EFHC2: variants seen among roughly 807,000 people sequenced by gnomAD.
The protein encoded by EFHC2 is EF-hand domain-containing family member C2.
A neutral mutation model predicts 52.7 loss-of-function variants in EFHC2; 18 were observed. That is an observed-to-expected ratio of 0.34 (90% CI 0.24 to 0.51). EFHC2 has a LOEUF of 0.51. EFHC2 is among the 20% of genes least tolerant of loss of function. EFHC2 has a pLI of 0.97. For synonymous variants in EFHC2, 203 were observed against 204.1 expected (o/e 0.99, Z 0.04); for missense variants, 513 against 562.5 (o/e 0.91, Z 0.89).
intron 11 of EFHC2, among the ~76,000 whole-genome samples, chrX:44,215,555 G>T (rs1297407027): frequency 9.2e-6 from 1 of 109,022 alleles, no homozygotes; most frequent in African/African-American, 3.3e-5. Flanking sequence ...GTGTTGGAAG[G>T]GGGAAGGCAG....
Position 44,189,803 on chromosome X carries a change from G to A in EFHC2, c.1752-11239C>T, listed in dbSNP as rs762650752. On this transcript the variant is annotated intron_variant, in intron 11 of 14. Transcript: ENST00000420999. ...CAGCAGGAGGGACACCTTTTCTACC[G>A]AGATGAAAAAGGAATGGCAAGTTGT... Among the ~76,000 whole-genome samples the A allele has an allele frequency of 1.1e-4, 12 of 111,406 alleles. No homozygotes were observed. In the East Asian group the frequency reaches 2.5e-3, roughly 24 times the overall value.
chrX:44,189,626 G>A (rs1248105770), intron 11 of EFHC2, among the ~76,000 whole-genome samples: 1 of 111,406 alleles, frequency 9.0e-6, no homozygotes, highest in Non-Finnish European at 1.9e-5. Flanking sequence ...CAATGCAGAG[G>A]TAGGCACGGG....
At chrX:44,281,077 G>A (rs1306688256) in intron 2 of EFHC2, among the ~76,000 whole-genome samples, 1 of 110,793 alleles carries the variant, frequency 9.0e-6, no homozygotes, top group Non-Finnish European at 1.9e-5. Context: ...ACACCTCCAC[G>A]CCTGGCTAAT....
intron 11 of EFHC2, among the ~76,000 whole-genome samples, chrX:44,184,890 A>ATTAC (rs2036862489): frequency 3.6e-5 from 4 of 111,120 alleles, no homozygotes; most frequent in Non-Finnish European, 7.5e-5. Flanking sequence ...CTGGAGTGTA[A>ATTAC]GATCCACAGA....
intron 4 of EFHC2, 105 bp from the exon 5 acceptor site, chrX:44,250,550 C>T: frequency 3.1e-6 from 3 of 953,180 alleles, no homozygotes; most frequent in South Asian, 7.4e-5. Flanking sequence ...TTTGGTCAGG[C>T]ATGGTGGCTG....
At chrX:44,168,040 CAG>C (rs902638651) in intron 13 of EFHC2, among the ~76,000 whole-genome samples, 2 of 111,486 alleles carry the variant, frequency 1.8e-5, no homozygotes, top group Non-Finnish European at 3.8e-5. Context: ...GAAAAGTAAA[CAG>C]AGGATTGGTA....
intron 13 of EFHC2, among the ~76,000 whole-genome samples, chrX:44,168,536 GAA>G (rs138015039): frequency 4.7e-5 from 4 of 84,951 alleles, no homozygotes; most frequent in African/African-American, 1.3e-4. Flanking sequence ...CGTCTCAAAA[GAA>G]AAAAAAAAAA....
chrX:44,148,606 C>A lies in EFHC2; in HGVS notation c.*189G>T. The A allele has an allele frequency of 2.7e-6, 1 of 376,668 alleles. No individual in the cohort carries two copies. Among genetic ancestry groups the A allele is most frequent in the East Asian group, 4.8e-5 (1 of 20,891 alleles). The allele number at this position is 376,668 out of a possible 1,213,427, so 31.0% of individuals were successfully genotyped here. On this transcript the variant is annotated 3_prime_UTR_variant, in exon 15 of 15. Transcript: ENST00000420999. ...TTTAAGATGGCATTTTAAATAGTAACAGTACGTCGGCAATGTAACATGATG... is the reference window on the plus strand; with the variant it reads ...TTTAAGATGGCATTTTAAATAGTAAAAGTACGTCGGCAATGTAACATGATG...
At chrX:44,338,139 T>A (rs7890878) in intron 1 of EFHC2, among the ~76,000 whole-genome samples, 10,345 of 111,130 alleles carry the variant, frequency 0.093, 707 homozygotes, top group African/African-American at 0.23. Context: ...CACTGAATTG[T>A]ATACTTTTAA....
chrX:44,234,570 C>T (rs2037303198), intron 9 of EFHC2, among the ~76,000 whole-genome samples: 1 of 111,976 alleles, frequency 8.9e-6, no homozygotes, highest in South Asian at 3.8e-4. Flanking sequence ...GTATTCACAC[C>T]ATGGAAACTG....
chrX:44,253,544 A>G (rs905095980), intron 4 of EFHC2, among the ~76,000 whole-genome samples: 37 of 111,684 alleles, frequency 3.3e-4, no homozygotes, highest in African/African-American at 9.1e-4. Flanking sequence ...CAGCTCAGCA[A>G]TGATTTTGTA....
At chrX:44,168,670 G>A (rs2036719077) in intron 13 of EFHC2, among the ~76,000 whole-genome samples, 1 of 111,676 alleles carries the variant, frequency 9.0e-6, no homozygotes, top group Non-Finnish European at 1.9e-5. Flanking sequence ...GGGGAGAGGA[G>A]GCAAAATGGA....
At chrX:44,201,205 T>C (rs1334794314) in intron 11 of EFHC2, among the ~76,000 whole-genome samples, 1 of 111,594 alleles carries the variant, frequency 9.0e-6, no homozygotes, top group African/African-American at 3.2e-5. Context: ...CTAGAAAATA[T>C]TTATATATGG....
intron 2 of EFHC2, chrX:44,310,398 G>T: frequency 2.0e-6 from 2 of 1,011,309 alleles, no homozygotes; most frequent in Admixed American, 2.8e-5. Flanking sequence ...TTGTCGACCA[G>T]GCTGAGCCCC....
chrX:44,305,950 C>T (rs2037902818), intron 2 of EFHC2, among the ~76,000 whole-genome samples: 1 of 111,784 alleles, frequency 8.9e-6, no homozygotes, highest in South Asian at 3.8e-4. Context: ...ACAACCCGAG[C>T]ATGCCCAGTT....
intron 1 of EFHC2, among the ~76,000 whole-genome samples, chrX:44,336,129 G>A (rs2038115565): frequency 9.5e-6 from 1 of 105,451 alleles, no homozygotes; most frequent in African/African-American, 3.4e-5. Context: ...GCTCAGGCCT[G>A]TAATCTCAGC....
chrX:44,292,828 C>T (rs1167139045), intron 2 of EFHC2, among the ~76,000 whole-genome samples: 2 of 110,293 alleles, frequency 1.8e-5, no homozygotes, highest in Non-Finnish European at 3.8e-5. Flanking sequence ...GTGCCTCACT[C>T]CCCCTTTGCC....
intron 9 of EFHC2, among the ~76,000 whole-genome samples, chrX:44,234,872 A>G (rs767116931): frequency 5.4e-5 from 6 of 111,894 alleles, no homozygotes; most frequent in Admixed American, 9.5e-5. Flanking sequence ...TGACGATTGA[A>G]TTTGTGTATC....
Position 44,232,588 on chromosome X carries a change from C to T in EFHC2, c.1513G>A (p.Ala505Thr). 2.5e-6 allele frequency: 3 copies of T among 1,195,370 alleles called. No individual in the cohort carries two copies. The highest frequency in any genetic ancestry group is 3.4e-6 in the Non-Finnish European group (3 of 886,813). ...GTGACTCCAATGTACAGCTCCTCGG[C>T]CTTGATATATTCAGATAGTTCACTT... Reference protein sequence around the residue: ...FKSELSEYIKAEELYIGVTVN... With the variant: ...FKSELSEYIKTEELYIGVTVN... The change falls in exon 10 of 15, where the codon GCC becomes ACC. Residue 505 changes from alanine (A) to threonine (T), a missense_variant. Coordinates refer to ENST00000420999, the MANE Select transcript of EFHC2 (RefSeq NM_025184.4).
Sources: gnomAD v4.1 joint callset for allele counts (sites outside exome capture counted in the v4.1 genomes callset) on GRCh38, gnomAD v4.1.1 for gene constraint, MANE v1.5 for transcripts, NCBI Gene and HGNC (gene_info 2026-07-23, HGNC 2026-07-21) for gene names.